TRDN: variants seen among roughly 807,000 people sequenced by gnomAD.
The protein encoded by TRDN is triadin in skeletal muscle.
Under a neutral mutation model 149.7 loss-of-function variants are expected in TRDN, and 161 were observed. The ratio of observed to expected loss-of-function variants is 1.08; its 90% confidence interval spans 0.95 to 1.23. TRDN has a LOEUF of 1.23. Ranked by LOEUF, TRDN falls within the 50% of genes most tolerant of loss-of-function variation. The pLI, the probability that TRDN is intolerant of heterozygous loss-of-function variation, is 0.00. For missense variants in TRDN, 896 were observed against 823.5 expected, an observed-to-expected ratio of 1.09 and a Z score of -1.08; for synonymous variants, 294 against 250.5, an observed-to-expected ratio of 1.17 and a Z score of -1.64.
chr6:123,223,623 C>T (rs1193910517), intron 39 of TRDN, among the ~76,000 whole-genome samples: 1 of 151,508 alleles, frequency 6.6e-6, no homozygotes, highest in Non-Finnish European at 1.5e-5. Context: ...GACTGTTTGT[C>T]CTCTGGCTTG....
intron 20 of TRDN, among the ~76,000 whole-genome samples, chr6:123,353,537 G>C (rs1212292614): frequency 1.3e-5 from 2 of 151,636 alleles, no homozygotes; most frequent in East Asian, 3.9e-4. Context: ...ATCAAATACA[G>C]GATGTATAGA....
At chr6:123,295,435 T>C (rs1303022706) in intron 24 of TRDN, among the ~76,000 whole-genome samples, 3 of 152,202 alleles carry the variant, frequency 2.0e-5, no homozygotes, top group Admixed American at 1.3e-4. Context: ...CCTTGAATTC[T>C]TTCCTAGGCA....
In TRDN at chr6:123,589,596, C is replaced by A. The variant is rs1437505304; in HGVS notation, c.23-18464G>T. On this transcript the variant is annotated intron_variant, in intron 1 of 40. Coordinates refer to ENST00000334268, the MANE Select transcript of TRDN (RefSeq NM_006073.4). The stretch of plus-strand genomic sequence containing the variant: ...CTAAAGATATTTTCATGGAAATCAG[C>A]TCTTCCTTAAGAATTAATCATTTCC... Among the ~76,000 whole-genome samples, 5 of 152,204 alleles carry A rather than the reference C, an allele frequency of 3.3e-5. No homozygotes were observed. In the South Asian group the frequency reaches 8.3e-4, roughly 25 times the overall value.
intron 1 of TRDN, among the ~76,000 whole-genome samples, chr6:123,591,086 A>C (rs1164982151): frequency 6.6e-6 from 1 of 152,222 alleles, no homozygotes; most frequent in Non-Finnish European, 1.5e-5. Context: ...TAGTGACTCC[A>C]GAATTAATGC....
intron 23 of TRDN, among the ~76,000 whole-genome samples, chr6:123,331,642 C>T (rs1184770063): frequency 6.6e-6 from 1 of 151,946 alleles, no homozygotes; most frequent in Non-Finnish European, 1.5e-5. Flanking sequence ...ATCAGAATAG[C>T]ATAAGACTTT....
chr6:123,634,426 G>C (rs1786184613), intron 1 of TRDN, among the ~76,000 whole-genome samples: 1 of 151,606 alleles, frequency 6.6e-6, no homozygotes, highest in South Asian at 2.1e-4. Flanking sequence ...GGGTGACAGA[G>C]AAAAATTCTG....
intron 19 of TRDN, among the ~76,000 whole-genome samples, chr6:123,367,550 G>A (rs988117616): frequency 6.6e-6 from 1 of 152,162 alleles, no homozygotes; most frequent in Non-Finnish European, 1.5e-5. Flanking sequence ...CAGGCAAGAA[G>A]TGACATACAT....
intron 1 of TRDN, among the ~76,000 whole-genome samples, chr6:123,578,313 G>A (rs1233416431): frequency 3.3e-5 from 5 of 152,088 alleles, no homozygotes; most frequent in African/African-American, 4.8e-5. Flanking sequence ...TTTTGTATAA[G>A]GTGTAAGGAA....
At chr6:123,359,994 C>G (rs61421010) in intron 20 of TRDN, among the ~76,000 whole-genome samples, 12,765 of 152,064 alleles carry the variant, frequency 0.084, 1,776 homozygotes, top group African/African-American at 0.29. Context: ...TGCGCCTGGC[C>G]GTGAAGGGGA....
chr6:123,314,743 C>G (rs1778962222), intron 24 of TRDN, among the ~76,000 whole-genome samples: 1 of 151,952 alleles, frequency 6.6e-6, no homozygotes, highest in Admixed American at 6.6e-5. Context: ...AATGCAGGGA[C>G]AGAAAACCAA....
rs1395573126 is a variant in TRDN at position 123,537,635 on chromosome 6, A to G, written c.425-7070T>C. 3.3e-5 allele frequency among the ~76,000 whole-genome samples: 5 copies of G among 152,276 alleles called. No homozygotes were observed. In the East Asian group the frequency reaches 9.7e-4, roughly 29 times the overall value. On this transcript the variant is annotated intron_variant, in intron 4 of 40. Coordinates refer to ENST00000334268, the MANE Select transcript of TRDN (RefSeq NM_006073.4). Reference sequence around the variant, plus strand: ...AAGGTCTATGTCTACCACAGTGCCAATGGTAATCATCAGGCCAATACATTT... The same window carrying G: ...AAGGTCTATGTCTACCACAGTGCCAGTGGTAATCATCAGGCCAATACATTT...
intron 14 of TRDN, among the ~76,000 whole-genome samples, chr6:123,384,356 G>A (rs1040337827): frequency 2.6e-5 from 4 of 152,072 alleles, no homozygotes; most frequent in Non-Finnish European, 4.4e-5. Context: ...GCAGTTCTGT[G>A]TTCCTCACTG....
At chr6:123,564,171 C>T (rs932337427) in intron 2 of TRDN, among the ~76,000 whole-genome samples, 3 of 152,066 alleles carry the variant, frequency 2.0e-5, no homozygotes, top group African/African-American at 7.2e-5. Flanking sequence ...CATAGACAGA[C>T]TGAAGTTGGG....
chr6:123,636,695 G>A (rs1376638823), intron 1 of TRDN, 59 bp downstream of exon 1: 6 of 1,564,188 alleles, frequency 3.8e-6, no homozygotes, highest in Non-Finnish European at 4.4e-6. Flanking sequence ...AGTTAATGTG[G>A]CTGTCGATTT....
intron 10 of TRDN, among the ~76,000 whole-genome samples, chr6:123,446,445 C>T (rs980947462): frequency 4.6e-5 from 7 of 151,652 alleles, no homozygotes; most frequent in African/African-American, 1.2e-4. Context: ...AGCCAGGTGG[C>T]GTGGTGGTGG....
At chr6:123,453,942 A>G (rs576880838) in intron 10 of TRDN, among the ~76,000 whole-genome samples, 2 of 151,972 alleles carry the variant, frequency 1.3e-5, no homozygotes, top group East Asian at 3.9e-4. Flanking sequence ...ATGGAATACA[A>G]CTCAGCCATA....
At chr6:123,393,789 G>T (rs1334936794) in intron 12 of TRDN, 112 bp from the exon 13 acceptor site, 2 of 1,011,118 alleles carry the variant, frequency 2.0e-6, no homozygotes, top group Admixed American at 5.4e-5. Flanking sequence ...TGTTGCTTTT[G>T]ACACGAAGAA....
intron 2 of TRDN, among the ~76,000 whole-genome samples, chr6:123,564,656 GA>G (rs1345835449): frequency 6.6e-6 from 1 of 152,210 alleles, no homozygotes; most frequent in Non-Finnish European, 1.5e-5. Context: ...CTTTTCATAA[GA>G]AATTGATGCT....
intron 5 of TRDN, among the ~76,000 whole-genome samples, chr6:123,530,163 T>A (rs570095254): frequency 2.0e-5 from 3 of 151,946 alleles, no homozygotes; most frequent in Non-Finnish European, 4.4e-5. Context: ...TAAAAAAAAA[T>A]AAACTCTGAC....
Sources: allele counts gnomAD v4.1 joint callset (sites outside exome capture counted in the v4.1 genomes callset), GRCh38; gene constraint gnomAD v4.1.1; transcripts MANE v1.5; gene names NCBI Gene and HGNC (gene_info 2026-07-23, HGNC 2026-07-21).